SORBS2: variants seen among roughly 807,000 people sequenced by gnomAD.
The protein encoded by SORBS2 is sorbin and SH3 domain containing 2, also known as sorbin and SH3 domain-containing protein 2.
Under a neutral mutation model 97.7 loss-of-function variants are expected in SORBS2, and 46 were observed. The observed-to-expected ratio is 0.47, with a 90% CI of 0.37 to 0.60. SORBS2 has a LOEUF of 0.60. SORBS2 is among the 20% of genes least tolerant of loss of function. SORBS2 has a pLI of 0.00. For synonymous variants in SORBS2, 476 were observed against 473.4 expected (o/e 1.01, Z -0.07); for missense variants, 1,316 against 1,282.3 (o/e 1.03, Z -0.40).
At chr4:185,956,011 C>T (rs541062029) in intron 1 of SORBS2, among the ~76,000 whole-genome samples, 9 of 152,150 alleles carry the variant, frequency 5.9e-5, no homozygotes, top group African/African-American at 9.7e-5. Context: ...GCTTAAGCAA[C>T]GTAAAGTGTT....
At chr4:185,615,284 T>C in intron 9 of SORBS2, 125 bp from the exon 22 acceptor site, 1 of 647,766 alleles carries the variant, frequency 1.5e-6, no homozygotes, top group South Asian at 1.8e-5. Context: ...CCAATTGATA[T>C]TGAGTCCGAT....
intron 4 of SORBS2, among the ~76,000 whole-genome samples, chr4:185,664,615 G>A (rs1450341140): frequency 6.6e-6 from 1 of 152,188 alleles, no homozygotes; most frequent in Non-Finnish European, 1.5e-5. Context: ...TCCTTCTGTA[G>A]CCAGTCTCTG....
chr4:185,656,767 G>T (rs1484421601), exon 1 of SORBS2: 4 of 1,508,042 alleles, frequency 2.7e-6, no homozygotes. Flanking sequence ...GGAAGGGGCT[G>T]CCCAGATACA....
At chr4:185,600,407 C>A (rs183711395) in intron 12 of SORBS2, among the ~76,000 whole-genome samples, 1 of 152,298 alleles carries the variant, frequency 6.6e-6, no homozygotes, top group African/African-American at 2.4e-5. Context: ...GGCACAGTCT[C>A]GGCTCACTGC....
At chr4:185,779,741 C>T (rs909015070) in intron 1 of SORBS2, among the ~76,000 whole-genome samples, 4 of 152,206 alleles carry the variant, frequency 2.6e-5, no homozygotes, top group African/African-American at 9.6e-5. Flanking sequence ...TTAGAGACCT[C>T]CCTGGTCCCT....
In SORBS2 at chr4:185,684,822, C is replaced by T. The variant is rs747780742; in HGVS notation, c.-197-6000G>A. On this transcript the variant is annotated intron_variant, in intron 2 of 20. Transcript: ENST00000284776. The surrounding 1 kb of genome is among the most constrained non-coding windows in gnomAD (Gnocchi z 4.2). Reference sequence around the variant, plus strand: ...TGTTAGCGTAACAGACATGGCGGCACGTTTGCGAGCACACCCACCGCTATC... The same window carrying T: ...TGTTAGCGTAACAGACATGGCGGCATGTTTGCGAGCACACCCACCGCTATC... 39 of 1,551,726 alleles carry T rather than the reference C, an allele frequency of 2.5e-5. No homozygotes were observed. Among genetic ancestry groups the T allele is most frequent in the Non-Finnish European group, 3.1e-5 (35 of 1,147,022 alleles).
chr4:185,946,329 A>T (rs930089525), intron 1 of SORBS2, among the ~76,000 whole-genome samples: 1 of 152,338 alleles, frequency 6.6e-6, no homozygotes, highest in Non-Finnish European at 1.5e-5. Context: ...GGTTATTGCC[A>T]TAATTGGAAC....
intron 2 of SORBS2, among the ~76,000 whole-genome samples, chr4:185,747,727 C>T (rs540600951): frequency 8.5e-5 from 13 of 152,168 alleles, no homozygotes; most frequent in African/African-American, 2.2e-4. Flanking sequence ...TGCTCGGGCG[C>T]GGTGGCTCAC....
intron 2 of SORBS2, among the ~76,000 whole-genome samples, chr4:185,704,344 A>T (rs557298353): frequency 6.6e-6 from 1 of 152,154 alleles, no homozygotes; most frequent in African/African-American, 2.4e-5. Context: ...TTTGAAACAG[A>T]GTCTCACTCT....
intron 2 of SORBS2, among the ~76,000 whole-genome samples, chr4:185,722,903 A>G (rs975215924): frequency 6.6e-6 from 1 of 152,168 alleles, no homozygotes; most frequent in African/African-American, 2.4e-5. Flanking sequence ...CCAGAGCTGT[A>G]TTCATGTCAT....
At chr4:185,603,086 T>C (rs1323141163) in intron 12 of SORBS2, among the ~76,000 whole-genome samples, 2 of 152,204 alleles carry the variant, frequency 1.3e-5, no homozygotes, top group Non-Finnish European at 2.9e-5. Flanking sequence ...ACTTAAAGAA[T>C]ATACGAGAAG....
At chr4:185,813,757 C>T (rs946193112) in intron 1 of SORBS2, among the ~76,000 whole-genome samples, 3 of 152,222 alleles carry the variant, frequency 2.0e-5, no homozygotes, top group Non-Finnish European at 2.9e-5. Context: ...AAATGGACCA[C>T]CTCACTCATG....
In SORBS2 at chr4:185,607,268, G is replaced by C. The variant is rs1266859177; in HGVS notation, c.2796+4512C>G. 1 of 1,268,652 alleles carries C rather than the reference G, an allele frequency of 7.9e-7. No individual in the cohort carries two copies. The highest frequency in any genetic ancestry group is 2.5e-5 in the Admixed American group (1 of 39,546). The allele number at this position is 1,268,652 out of a possible 1,614,324, so 78.6% of individuals were successfully genotyped here. On this transcript the variant is annotated intron_variant, in intron 12 of 14. Coordinates refer to ENST00000418609, the Ensembl canonical transcript of SORBS2. This position sits in a 1 kb window ranked among gnomAD's most constrained non-coding sequence, Gnocchi z 5.2. Reference sequence around the variant, plus strand: ...GAGGCTGTCAGGGACAACCAGCCCTGGCCAGTTCCCTGGAGAGCTCCTTTA... The same window carrying C: ...GAGGCTGTCAGGGACAACCAGCCCTCGCCAGTTCCCTGGAGAGCTCCTTTA...
At chr4:185,894,076 AG>A (rs748002847) in intron 1 of SORBS2, among the ~76,000 whole-genome samples, 15 of 152,166 alleles carry the variant, frequency 9.9e-5, no homozygotes, top group Admixed American at 4.6e-4. Flanking sequence ...TGTGTTCTCC[AG>A]CCCCTCTGAA....
At chr4:185,721,266 G>A (rs946342791) in intron 2 of SORBS2, among the ~76,000 whole-genome samples, 6 of 151,876 alleles carry the variant, frequency 4.0e-5, no homozygotes, top group Non-Finnish European at 7.4e-5. Flanking sequence ...GTAGAAACGG[G>A]GTTTTGCCAT....
intron 1 of SORBS2, among the ~76,000 whole-genome samples, chr4:185,947,493 G>C (rs2099275079): frequency 6.6e-6 from 1 of 152,154 alleles, no homozygotes; most frequent in Non-Finnish European, 1.5e-5. Context: ...GCAAAAGTGA[G>C]GCAAACCTGG....
intron 1 of SORBS2, among the ~76,000 whole-genome samples, chr4:185,900,601 AAAAAAATTC>A (rs2149828776): frequency 6.6e-6 from 1 of 152,286 alleles, no homozygotes; most frequent in South Asian, 2.1e-4. Flanking sequence ...TAGAGAGAGA[AAAAAAATTC>A]AAAAAATATA....
chr4:185,638,475 C>T (rs557873822), intron 4 of SORBS2, among the ~76,000 whole-genome samples: 1 of 152,232 alleles, frequency 6.6e-6, no homozygotes, highest in African/African-American at 2.4e-5. Context: ...CCACTCTCTG[C>T]GGCAGCGAGA....
At chr4:185,855,243 T>C (rs1430934737) in intron 1 of SORBS2, among the ~76,000 whole-genome samples, 1 of 152,212 alleles carries the variant, frequency 6.6e-6, no homozygotes, top group East Asian at 1.9e-4. Context: ...GTCAGGTTTA[T>C]GAAGAGTTCA....
Sources: gnomAD v4.1 joint callset for allele counts (sites outside exome capture counted in the v4.1 genomes callset) on GRCh38, gnomAD v4.1.1 for gene constraint, Gnocchi (gnomAD v3.1) non-coding constraint, MANE v1.5 for transcripts, NCBI Gene and HGNC (gene_info 2026-07-23, HGNC 2026-07-21) for gene names.